The following INVS variants were observed in gnomAD, a reference collection of about 807,000 sequenced individuals.
The protein encoded by INVS is inversion of embryo turning homolog.
In INVS, 86 loss-of-function variants were observed where a neutral mutation model predicts 108.8. The ratio of observed to expected loss-of-function variants is 0.79; its 90% CI spans 0.66 to 0.95. The LOEUF (loss-of-function observed/expected upper bound fraction) is 0.95, where lower values mean the gene tolerates loss of function less well. Among genes scored for constraint, INVS ranks in the 40% least tolerant of loss-of-function variants. The pLI, the probability that INVS is intolerant of heterozygous loss-of-function variation, is 0.00. For missense variants in INVS, 1,169 were observed against 1,297.4 expected (o/e 0.90, Z 1.52); for synonymous variants, 455 against 473.5 (o/e 0.96, Z 0.51).
At chr9:100,117,231 C>T (rs1827561556) in intron 2 of INVS, 4 of 878,462 alleles carry the variant, frequency 4.6e-6, no homozygotes, top group South Asian at 1.5e-5. Context: ...CCGACGTGGC[C>T]GTTGTAGTCC....
chr9:100,127,135 G>A, intron 3 of INVS, among the ~76,000 whole-genome samples: 1 of 152,174 alleles, frequency 6.6e-6, no homozygotes, highest in East Asian at 1.9e-4. Context: ...GGTTGAGGCT[G>A]CAGTGAACTG....
At chr9:100,162,289 T>G (rs766112968) in intron 3 of INVS, among the ~76,000 whole-genome samples, 1 of 152,240 alleles carries the variant, frequency 6.6e-6, no homozygotes, top group African/African-American at 2.4e-5. Context: ...AAAAGTGGCT[T>G]AGATGACAAG....
chr9:100,253,420 T>C (rs940700348), intron 10 of INVS, among the ~76,000 whole-genome samples: 3 of 152,018 alleles, frequency 2.0e-5, no homozygotes, highest in African/African-American at 7.3e-5. Context: ...ATTTTCTTTT[T>C]TTTTTTAATT....
intron 3 of INVS, among the ~76,000 whole-genome samples, chr9:100,165,838 A>G (rs1013060518): frequency 1.2e-4 from 19 of 152,038 alleles, no homozygotes; most frequent in Non-Finnish European, 2.4e-4. Flanking sequence ...ATTCATTTCT[A>G]TATTTTTTGT....
chr9:100,175,927 G>C, intron 3 of INVS: 4 of 582,168 alleles, frequency 6.9e-6, no homozygotes, highest in South Asian at 5.5e-5. Flanking sequence ...TCAGTGACTT[G>C]GAGGCTGCCT....
Position 100,252,280 on chromosome 9 carries a change from T to C in INVS, c.1079-3T>C. ...TCATCACTTTCTGTTGGTTCCCTTT[T>C]AGCTTTGCATGCTGCTGCTCTTTCT... On this transcript the variant is annotated splice_region_variant and splice_polypyrimidine_tract_variant and intron_variant, in intron 8 of 16. Transcript: ENST00000262457. The C allele has an allele frequency of 6.2e-7, 1 of 1,614,032 alleles. No homozygotes were observed. Among genetic ancestry groups the C allele is most frequent in the South Asian group, 1.1e-5 (1 of 91,076 alleles).
intron 10 of INVS, among the ~76,000 whole-genome samples, chr9:100,255,446 CTG>C (rs1332957944): frequency 6.6e-5 from 10 of 152,162 alleles, no homozygotes; most frequent in African/African-American, 2.4e-4. Flanking sequence ...ACTTCCAACA[CTG>C]TGTTGAATAG....
In INVS at chr9:100,210,090, C is replaced by A. The variant is rs553610835; in HGVS notation, c.274-15972C>A. Reference sequence around the variant, plus strand: ...TTCTCCAATAAGCTTCTACTGACCCCTCAAGGCTGGGTTAGGTGCCCCTCT... The same window carrying A: ...TTCTCCAATAAGCTTCTACTGACCCATCAAGGCTGGGTTAGGTGCCCCTCT... On this transcript the variant is annotated intron_variant, in intron 3 of 16. Coordinates refer to ENST00000262457, the MANE Select transcript of INVS (RefSeq NM_014425.5). Among the ~76,000 whole-genome samples, 8 of 152,312 alleles carry A rather than the reference C, an allele frequency of 5.3e-5. No individual in the cohort carries two copies. The South Asian group carries it at 1.7e-3, about 32-fold the overall frequency.
At chr9:100,279,099 T>G (rs1833200446) in intron 12 of INVS, among the ~76,000 whole-genome samples, 1 of 152,208 alleles carries the variant, frequency 6.6e-6, no homozygotes, top group African/African-American at 2.4e-5. Context: ...TTTAGCCAAA[T>G]AGTTGACGTT....
intron 12 of INVS, among the ~76,000 whole-genome samples, chr9:100,281,205 C>T (rs747764191): frequency 3.3e-5 from 5 of 152,138 alleles, no homozygotes; most frequent in Non-Finnish European, 7.4e-5. Flanking sequence ...AAAGCAGCTG[C>T]GTTCTATCTT....
chr9:100,122,806 G>A (rs959793699), intron 2 of INVS, among the ~76,000 whole-genome samples: 7 of 151,584 alleles, frequency 4.6e-5, no homozygotes, highest in Admixed American at 1.3e-4. Context: ...GGATGGTCTC[G>A]ATCTCCTGAC....
rs1227063779 is a variant in INVS, at chr9:100,143,773, G to A, written c.273+17224G>A. Among the ~76,000 whole-genome samples, 4 of 152,214 alleles carry A rather than the reference G, an allele frequency of 2.6e-5. No homozygotes were observed. In the East Asian group the frequency reaches 5.8e-4, roughly 22 times the overall value. The stretch of plus-strand genomic sequence containing the variant: ...TTTTAAGAGGTTTAGAAGCCTGGCC[G>A]TCAGTACCTGCAACAGTTATGGAGG... On this transcript the variant is annotated intron_variant, in intron 3 of 16. Transcript: ENST00000262457.
At chr9:100,100,040 C>T (rs989770671) in intron 1 of INVS, among the ~76,000 whole-genome samples, 2 of 152,246 alleles carry the variant, frequency 1.3e-5, no homozygotes, top group Non-Finnish European at 2.9e-5. Flanking sequence ...AATTACTCTT[C>T]CTATGAGTGT....
intron 3 of INVS, among the ~76,000 whole-genome samples, chr9:100,139,410 C>T (rs1467385733): frequency 6.6e-6 from 1 of 152,156 alleles, no homozygotes; most frequent in African/African-American, 2.4e-5. Flanking sequence ...GTCTCATCTA[C>T]TTCTATAAGT....
At chr9:100,228,426 T>G (rs927000877) in intron 4 of INVS, among the ~76,000 whole-genome samples, 1 of 152,252 alleles carries the variant, frequency 6.6e-6, no homozygotes, top group African/African-American at 2.4e-5. Context: ...AAATTAAAAT[T>G]TGTCTACTGA....
At chr9:100,203,598 G>A (rs1467301071) in intron 3 of INVS, among the ~76,000 whole-genome samples, 1 of 145,954 alleles carries the variant, frequency 6.9e-6, no homozygotes, top group Admixed American at 7.0e-5. Context: ...TGCCTCCCCA[G>A]TTCAAGCGAT....
chr9:100,296,256 T>C (rs1210336858), intron 14 of INVS, among the ~76,000 whole-genome samples: 1 of 152,178 alleles, frequency 6.6e-6, no homozygotes. Flanking sequence ...GCTCAGTAAG[T>C]TTGGGAGTGC....
chr9:100,169,632 T>TA, intron 3 of INVS, among the ~76,000 whole-genome samples: 1 of 152,340 alleles, frequency 6.6e-6, no homozygotes, highest in East Asian at 1.9e-4. Flanking sequence ...GGTATAATTT[T>TA]AAAAAATGTT....
chr9:100,265,169 T>G (rs1413664148), intron 11 of INVS, among the ~76,000 whole-genome samples: 1 of 152,044 alleles, frequency 6.6e-6, no homozygotes, highest in African/African-American at 2.4e-5. Flanking sequence ...GGTCTCGAAC[T>G]CCTCACCTTG....
Sources: gnomAD v4.1 joint callset for allele counts (sites outside exome capture counted in the v4.1 genomes callset) on GRCh38, gnomAD v4.1.1 for gene constraint, MANE v1.5 for transcripts, NCBI Gene and HGNC (gene_info 2026-07-23, HGNC 2026-07-21) for gene names.